The following TUBGCP3 variants were observed in gnomAD, a reference collection of about 807,000 sequenced individuals.
The protein encoded by TUBGCP3 is gamma-tubulin complex component 3.
Under a neutral mutation model 123.1 loss-of-function variants are expected in TUBGCP3, and 50 were observed. That is an observed-to-expected ratio of 0.41 (90% CI 0.32 to 0.51). The LOEUF (loss-of-function observed/expected upper bound fraction) is 0.51. TUBGCP3 is among the 20% of genes least tolerant of loss of function. The probability of loss-of-function intolerance (pLI) is 0.36; values close to 1 mark genes in which losing one functional copy is unlikely to be tolerated. For missense variants in TUBGCP3, 882 were observed against 1,127.0 expected (o/e 0.78, Z 3.11); for synonymous variants, 405 against 413.9 (o/e 0.98, Z 0.26).
intron 8 of TUBGCP3, among the ~76,000 whole-genome samples, chr13:112,550,760 G>A (rs1339173728): frequency 6.6e-6 from 1 of 152,184 alleles, no homozygotes; most frequent in African/African-American, 2.4e-5. Flanking sequence ...CCAGCCCCAG[G>A]GCAGGAGAGC....
intron 11 of TUBGCP3, among the ~76,000 whole-genome samples, chr13:112,538,069 T>TCCC (rs1224068626): frequency 6.6e-6 from 1 of 152,216 alleles, no homozygotes; most frequent in Non-Finnish European, 1.5e-5. Flanking sequence ...TTATTGAGGA[T>TCCC]CCCTTCTGTG....
At chr13:112,546,373 T>G (rs951642736) in intron 10 of TUBGCP3, 1 of 156,894 alleles carries the variant, frequency 6.4e-6, no homozygotes, top group Non-Finnish European at 1.4e-5. Flanking sequence ...AACACCGCTC[T>G]ATGTAGAGAG....
intron 17 of TUBGCP3, among the ~76,000 whole-genome samples, chr13:112,505,343 A>C (rs1027279306): frequency 6.6e-6 from 1 of 152,356 alleles, no homozygotes; most frequent in African/African-American, 2.4e-5. Flanking sequence ...GTGATGGCTA[A>C]ATCAGAGCTA....
At chr13:112,496,667 G>A (rs1026013480) in intron 20 of TUBGCP3, among the ~76,000 whole-genome samples, 8 of 152,096 alleles carry the variant, frequency 5.3e-5, no homozygotes, top group Admixed American at 1.3e-4. Flanking sequence ...CACGGCCAGC[G>A]GACACGCCAT....
intron 20 of TUBGCP3, among the ~76,000 whole-genome samples, chr13:112,494,052 G>A (rs1250134995): frequency 6.6e-6 from 1 of 151,334 alleles, no homozygotes; most frequent in Admixed American, 6.6e-5. Context: ...AATGGGGCCT[G>A]GTGTCCCTGA....
chr13:112,540,222 T>C lies in TUBGCP3; in HGVS notation c.1335+5477A>G, dbSNP rs559128325. On this transcript the variant is annotated intron_variant, in intron 11 of 21. Transcript: ENST00000261965. Reference sequence around the variant, plus strand: ...GTGATGACGTCAATGTAGTAGCCTATGAGCATTCAGGTGGTCTTGGGAAAG... The same window carrying C: ...GTGATGACGTCAATGTAGTAGCCTACGAGCATTCAGGTGGTCTTGGGAAAG... Among the ~76,000 whole-genome samples, 166 of 142,094 alleles carry C rather than the reference T, an allele frequency of 1.2e-3. No homozygotes were observed. In the Middle Eastern group the frequency reaches 0.015, roughly 12 times the overall value. The allele number at this position is 142,094 out of a possible 152,430, so 93.2% of individuals were successfully genotyped here. A position where few individuals can be genotyped will look rare whatever the true frequency, so the allele number is the denominator to read the frequency against.
chr13:112,603,843 G>C, the TUBGCP3 span: 4,779 of 152,452 alleles, frequency 0.031, 106 homozygotes, highest in Middle Eastern at 0.058. Context: ...AAGCAGAGAA[G>C]GAGGAAGGGA....
intron 11 of TUBGCP3, among the ~76,000 whole-genome samples, chr13:112,537,856 C>T (rs1398903500): frequency 6.6e-6 from 1 of 152,142 alleles, no homozygotes; most frequent in Non-Finnish European, 1.5e-5. Context: ...CTTTGTGAAT[C>T]AATTTTGGTA....
intron 11 of TUBGCP3, among the ~76,000 whole-genome samples, chr13:112,537,158 A>C (rs1383188449): frequency 6.7e-6 from 1 of 148,558 alleles, no homozygotes; most frequent in Non-Finnish European, 1.5e-5. Flanking sequence ...TAAAAAAAAA[A>C]AAAACCTTGA....
chr13:112,489,124 AT>A (rs62638273), intron 21 of TUBGCP3, among the ~76,000 whole-genome samples: 45 of 106,874 alleles, frequency 4.2e-4, no homozygotes, highest in African/African-American at 2.0e-3. Context: ...AGGTCCCCAC[AT>A]CCCACCACAG....
chr13:112,509,486 T>G (rs1207263648), intron 17 of TUBGCP3, among the ~76,000 whole-genome samples: 1 of 152,242 alleles, frequency 6.6e-6, no homozygotes, highest in Non-Finnish European at 1.5e-5. Context: ...TTCAAAAGGT[T>G]TCTATAAGCA....
chr13:112,512,972 A>C (rs1030447668), intron 17 of TUBGCP3, among the ~76,000 whole-genome samples: 10 of 152,346 alleles, frequency 6.6e-5, no homozygotes, highest in Non-Finnish European at 1.0e-4. Flanking sequence ...TTGATTCTTC[A>C]TGAACGATGA....
intron 17 of TUBGCP3, among the ~76,000 whole-genome samples, chr13:112,509,790 T>G (rs112331132): frequency 5.6e-4 from 85 of 152,200 alleles, no homozygotes; most frequent in African/African-American, 1.8e-3. Flanking sequence ...AAATGAGAAA[T>G]TAAACACTAC....
chr13:112,576,860 AGAAC>A (rs1415164665), intron 1 of TUBGCP3, among the ~76,000 whole-genome samples: 1 of 152,026 alleles, frequency 6.6e-6, no homozygotes, highest in Non-Finnish European at 1.5e-5. Context: ...ATCTGGAAAA[AGAAC>A]AAACAAAACT....
Position 112,529,916 on chromosome 13 carries a change from T to C in TUBGCP3, c.1336-2432A>G, listed in dbSNP as rs192729919. On this transcript the variant is annotated intron_variant, in intron 11 of 21. Transcript: ENST00000261965. ...TTAAAAATTACATAGCAATACAAAA[T>C]TAACGATCTCTTAGCAAAATGTAAT... is the stretch of plus-strand genomic sequence containing the variant. Among the ~76,000 whole-genome samples the C allele has an allele frequency of 7.9e-5, 12 of 152,208 alleles. No individual in the cohort carries two copies. The East Asian group carries it at 1.9e-3, about 24-fold the overall frequency.
chr13:112,588,039 A>AGGGACCGCGGCCCGCGCC lies in TUBGCP3; in HGVS notation c.-77_-60dup. On this transcript the variant is annotated 5_prime_UTR_variant, in exon 1 of 22. Coordinates refer to ENST00000261965, the MANE Select transcript of TUBGCP3 (RefSeq NM_006322.6). ...GAGCCGCCACTGCCGCCGCACGCGC[A>AGGGACCGCGGCCCGCGCC]GGGACCGCGGCCCGCGCCCTTCCTG... is the stretch of plus-strand genomic sequence containing the variant. The AGGGACCGCGGCCCGCGCC allele has an allele frequency of 7.4e-7, 1 of 1,345,540 alleles. No individual in the cohort carries two copies. Among genetic ancestry groups the AGGGACCGCGGCCCGCGCC allele is most frequent in the Non-Finnish European group, 9.7e-7 (1 of 1,027,520 alleles). 83.4% of individuals were successfully genotyped at this position (1,345,540 alleles called of 1,614,324 possible).
At chr13:112,578,848 G>C (rs1407211605) in intron 1 of TUBGCP3, among the ~76,000 whole-genome samples, 2 of 151,988 alleles carry the variant, frequency 1.3e-5, no homozygotes, top group East Asian at 3.9e-4. Context: ...TCACCCCCAC[G>C]ACCTGGTGTT....
chr13:112,580,285 C>A (rs1319028293), intron 1 of TUBGCP3, among the ~76,000 whole-genome samples: 1 of 151,920 alleles, frequency 6.6e-6, no homozygotes, highest in Non-Finnish European at 1.5e-5. Context: ...GAAAATCAAA[C>A]ACAACAAAAG....
rs528056719 is a variant in TUBGCP3, at chr13:112,531,387, T to C, written c.1336-3903A>G. On this transcript the variant is annotated intron_variant, in intron 11 of 21. Coordinates refer to ENST00000261965, the MANE Select transcript of TUBGCP3 (RefSeq NM_006322.6). ...CAGCAGTACTATCACGGAGGCGTCA[T>C]CGACTTAACCTAGACTTCAATTGTC... 1.7e-4 allele frequency among the ~76,000 whole-genome samples: 26 copies of C among 152,358 alleles called. No individual in the cohort carries two copies. In the South Asian group the frequency reaches 4.6e-3, roughly 27 times the overall value.
Sources: gnomAD v4.1 joint callset for allele counts (sites outside exome capture counted in the v4.1 genomes callset) on GRCh38, gnomAD v4.1.1 for gene constraint, MANE v1.5 for transcripts, NCBI Gene and HGNC (gene_info 2026-07-23, HGNC 2026-07-21) for gene names.